The following NAALADL2 variants were observed in gnomAD, a reference collection of about 807,000 sequenced individuals.
NAALADL2 encodes N-acetylated alpha-linked acidic dipeptidase like 2.
A neutral mutation model predicts 87.2 loss-of-function variants in NAALADL2; 76 were observed. The ratio of observed to expected loss-of-function variants is 0.87; its 90% CI spans 0.72 to 1.05. NAALADL2 has a LOEUF of 1.05. Among genes scored for constraint, NAALADL2 ranks in the 50% least tolerant of loss-of-function variants. The pLI is 0.00. For synonymous variants in NAALADL2, 354 were observed against 331.0 expected (o/e 1.07, Z -0.75); for missense variants, 1,089 against 945.8 (o/e 1.15, Z -1.99).
chr3:174,712,846 A>G (rs150936167), intron 2 of NAALADL2, among the ~76,000 whole-genome samples: 19 of 152,140 alleles, frequency 1.2e-4, no homozygotes, highest in African/African-American at 4.3e-4. Context: ...GTACATGTGC[A>G]CAACGTGCAG....
intron 1 of NAALADL2, among the ~76,000 whole-genome samples, chr3:174,940,492 C>G (rs960216294): frequency 6.6e-6 from 1 of 151,990 alleles, no homozygotes; most frequent in African/African-American, 2.4e-5. Context: ...TTGTCTCTGC[C>G]AGTATTTGGT....
intron 11 of NAALADL2, among the ~76,000 whole-genome samples, chr3:175,660,481 C>T (rs952015276): frequency 1.3e-5 from 2 of 152,100 alleles, no homozygotes; most frequent in African/African-American, 2.4e-5. Flanking sequence ...TATCCATCAC[C>T]TCAAATATTT....
intron 2 of NAALADL2, among the ~76,000 whole-genome samples, chr3:174,735,909 C>T (rs1289521635): frequency 6.6e-6 from 1 of 152,076 alleles, no homozygotes; most frequent in Admixed American, 6.6e-5. Context: ...TGGCCTGGAT[C>T]CCATGCTTGC....
chr3:175,389,043 A>C (rs1768765372), intron 5 of NAALADL2, among the ~76,000 whole-genome samples: 1 of 152,134 alleles, frequency 6.6e-6, no homozygotes, highest in African/African-American at 2.4e-5. Flanking sequence ...CTGGAACCAT[A>C]AACACACTCA....
In NAALADL2 at chr3:175,470,853, G is replaced by A. The variant is rs536240381; in HGVS notation, c.1534-786G>A. Among the ~76,000 whole-genome samples the A allele has an allele frequency of 2.6e-5, 4 of 152,222 alleles. No individual in the cohort carries two copies. In the East Asian group the frequency reaches 5.8e-4, roughly 22 times the overall value. ...GTTTTTTTTAAGGTAATATTTGCAA[G>A]ATTACATTGTATTATGGCCCATTTT... On this transcript the variant is annotated intron_variant, in intron 8 of 13. Transcript: ENST00000454872.
At chr3:175,667,197 AAG>A (rs1491071170) in intron 11 of NAALADL2, among the ~76,000 whole-genome samples, 1 of 110,286 alleles carries the variant, frequency 9.1e-6, no homozygotes, top group African/African-American at 6.0e-5. Flanking sequence ...GAAAGAAAGA[AAG>A]AAAGAAAGAA....
intron 9 of NAALADL2, among the ~76,000 whole-genome samples, chr3:175,521,191 A>T (rs573517057): frequency 6.6e-5 from 10 of 151,860 alleles, no homozygotes; most frequent in African/African-American, 2.2e-4. Context: ...GGGAGTATAC[A>T]TTTTTCCCTT....
At chr3:174,507,202 A>G (rs1315991610) in intron 1 of NAALADL2, among the ~76,000 whole-genome samples, 1 of 152,130 alleles carries the variant, frequency 6.6e-6, no homozygotes, top group African/African-American at 2.4e-5. Flanking sequence ...TTAATGTTTT[A>G]TTTCCAATGG....
chr3:174,787,594 T>C (rs866286377), intron 3 of NAALADL2, among the ~76,000 whole-genome samples: 1 of 65,916 alleles, frequency 1.5e-5, no homozygotes, highest in African/African-American at 5.3e-5. Flanking sequence ...TATATATATA[T>C]ATATATATAT....
In NAALADL2 at chr3:175,377,329, A is replaced by T. The variant is rs1357135680; in HGVS notation, c.1090+53004A>T. 4.6e-5 allele frequency among the ~76,000 whole-genome samples: 7 copies of T among 152,118 alleles called. No individual in the cohort carries two copies. The East Asian group carries it at 1.3e-3, about 29-fold the overall frequency. On this transcript the variant is annotated intron_variant, in intron 5 of 13. Coordinates refer to ENST00000454872, the MANE Select transcript of NAALADL2 (RefSeq NM_207015.3). The stretch of plus-strand genomic sequence containing the variant: ...TCTGTTTCAAAAACAAAAACAAAAA[A>T]ATCATCAAATTTGTTTATAATAGTT...
At chr3:174,588,644 C>A (rs1446412068) in intron 2 of NAALADL2, among the ~76,000 whole-genome samples, 1 of 152,194 alleles carries the variant, frequency 6.6e-6, no homozygotes, top group Non-Finnish European at 1.5e-5. Context: ...GAGGTCCACT[C>A]CAGACCCTGT....
At chr3:175,314,690 A>ATGTATATATATTTTTATC in intron 4 of NAALADL2, among the ~76,000 whole-genome samples, 1 of 51,458 alleles carries the variant, frequency 1.9e-5, no homozygotes, top group African/African-American at 8.0e-5. Flanking sequence ...ATATATATAT[A>ATGTATATATATTTTTATC]TATATATATA....
intron 1 of NAALADL2, among the ~76,000 whole-genome samples, chr3:174,996,237 C>G (rs919390351): frequency 6.6e-6 from 1 of 152,154 alleles, no homozygotes; most frequent in Non-Finnish European, 1.5e-5. Context: ...GTGGCTCACG[C>G]CTGTAATCCC....
chr3:175,634,687 C>G (rs1303381212), intron 11 of NAALADL2, among the ~76,000 whole-genome samples: 1 of 151,838 alleles, frequency 6.6e-6, no homozygotes, highest in Non-Finnish European at 1.5e-5. Flanking sequence ...CTAGGTATCT[C>G]TAATGTTGAT....
At chr3:174,812,038 G>T (rs1355526902) in intron 3 of NAALADL2, among the ~76,000 whole-genome samples, 1 of 152,012 alleles carries the variant, frequency 6.6e-6, no homozygotes, top group Non-Finnish European at 1.5e-5. Flanking sequence ...ATGAGTAAAA[G>T]CTCTCTGAGG....
At chr3:174,976,434 A>G (rs186680268) in intron 1 of NAALADL2, among the ~76,000 whole-genome samples, 2 of 152,286 alleles carry the variant, frequency 1.3e-5, no homozygotes, top group East Asian at 3.9e-4. Flanking sequence ...TGTATTTATT[A>G]TGTTTCTGGA....
intron 1 of NAALADL2, among the ~76,000 whole-genome samples, chr3:174,937,920 A>G (rs183931204): frequency 3.9e-5 from 6 of 152,096 alleles, no homozygotes; most frequent in Middle Eastern, 6.3e-3. Flanking sequence ...TCTAGAAAGT[A>G]TATATATTTC....
At chr3:175,506,771 A>T (rs1730381051) in intron 9 of NAALADL2, among the ~76,000 whole-genome samples, 3 of 152,194 alleles carry the variant, frequency 2.0e-5, no homozygotes, top group Non-Finnish European at 4.4e-5. Flanking sequence ...ATGTTAAGCA[A>T]TAGTCATCAT....
chr3:174,961,765 C>G (rs1190212144), intron 1 of NAALADL2, among the ~76,000 whole-genome samples: 1 of 152,002 alleles, frequency 6.6e-6, no homozygotes, highest in Non-Finnish European at 1.5e-5. Context: ...CATCCTGACT[C>G]TATAGCCGAT....
Sources: allele counts gnomAD v4.1 joint callset (sites outside exome capture counted in the v4.1 genomes callset), GRCh38; gene constraint gnomAD v4.1.1; transcripts MANE v1.5; gene names NCBI Gene and HGNC (gene_info 2026-07-23, HGNC 2026-07-21).